The following RGS22 variants were observed in gnomAD, a reference collection of about 807,000 sequenced individuals.
RGS22 encodes regulator of G protein signaling 22.
A neutral mutation model predicts 172.9 loss-of-function variants in RGS22; 148 were observed. That is an observed-to-expected ratio of 0.86 (90% CI 0.75 to 0.98). The LOEUF (loss-of-function observed/expected upper bound fraction) is 0.98. Among genes scored for constraint, RGS22 ranks in the 50% least tolerant of loss-of-function variants. RGS22 has a pLI of 0.00. For missense variants in RGS22, 1,347 were observed against 1,440.8 expected (o/e 0.93, Z 1.05); for synonymous variants, 458 against 480.2 (o/e 0.95, Z 0.60).
At chr8:100,077,443 TATTCA>T (rs1449705560) in intron 4 of RGS22, among the ~76,000 whole-genome samples, 1 of 152,252 alleles carries the variant, frequency 6.6e-6, no homozygotes, top group Non-Finnish European at 1.5e-5. Flanking sequence ...CTTTAGTTTT[TATTCA>T]ATTCAACATA....
chr8:100,064,067 T>C (rs761810001), intron 7 of RGS22, 24 bp from the exon 8 acceptor site: 2 of 1,446,860 alleles, frequency 1.4e-6, no homozygotes, highest in Admixed American at 2.4e-5. Flanking sequence ...TAAAAAGCTA[T>C]TAGATTAGAT....
At chr8:100,017,415 C>T (rs974625583) in intron 14 of RGS22, among the ~76,000 whole-genome samples, 5 of 152,130 alleles carry the variant, frequency 3.3e-5, no homozygotes, top group African/African-American at 1.2e-4. Context: ...CCTCACCTCC[C>T]CAGGATGGTA....
chr8:99,983,526 T>C (rs1421552605), intron 21 of RGS22, among the ~76,000 whole-genome samples: 3 of 152,156 alleles, frequency 2.0e-5, no homozygotes, highest in Non-Finnish European at 2.9e-5. Context: ...TATCTCACTG[T>C]GGTTTTGATT....
intron 9 of RGS22, among the ~76,000 whole-genome samples, chr8:100,060,421 T>TATATATATATATATATATATACACAC (rs1245783464): frequency 2.5e-5 from 3 of 119,480 alleles, no homozygotes; most frequent in African/African-American, 8.7e-5. Flanking sequence ...TATATATATA[T>TATATATATATATATATATATACACAC]ACACACACAC....
intron 14 of RGS22, among the ~76,000 whole-genome samples, chr8:100,015,818 T>C (rs1171162507): frequency 6.6e-6 from 1 of 152,142 alleles, no homozygotes; most frequent in Non-Finnish European, 1.5e-5. Flanking sequence ...CTTTCCCAGG[T>C]TACTGTCTGC....
Position 99,961,143 on chromosome 8 carries a change from A to G in RGS22, c.*99T>C, listed in dbSNP as rs1027554678. On this transcript the variant is annotated 3_prime_UTR_variant, in exon 28 of 28. Coordinates refer to ENST00000360863, the MANE Select transcript of RGS22 (RefSeq NM_015668.5). ...AGGCTTGCTCTGATACAGACCTTCA[A>G]AAAAACAAATCACTGGAGCTTCTCA... 2.0e-5 allele frequency: 9 copies of G among 450,162 alleles called. No homozygotes were observed. Among genetic ancestry groups the G allele is most frequent in the Admixed American group, 1.2e-4 (5 of 41,668 alleles). 27.9% of individuals were successfully genotyped at this position (450,162 alleles called of 1,614,324 possible). A position where few individuals can be genotyped will look rare whatever the true frequency, so the allele number is the denominator to read the frequency against.
At chr8:100,043,726 A>C (rs887118909) in intron 11 of RGS22, among the ~76,000 whole-genome samples, 2 of 152,096 alleles carry the variant, frequency 1.3e-5, no homozygotes, top group Non-Finnish European at 2.9e-5. Flanking sequence ...CAGTGAGCCA[A>C]GATTGCGCCA....
intron 3 of RGS22, among the ~76,000 whole-genome samples, chr8:100,082,900 T>G (rs2446908): frequency 0.45 from 67,983 of 152,092 alleles, 17,340 homozygotes; most frequent in Admixed American, 0.55. Flanking sequence ...ATGGTGTATG[T>G]GGGTAACTCT....
At chr8:100,051,790 AATATATATTTATATATAAATGTTT>A (rs1315650290) in intron 10 of RGS22, among the ~76,000 whole-genome samples, 6,360 of 51,746 alleles carry the variant, frequency 0.12, 1,211 homozygotes, top group Middle Eastern at 0.17. Context: ...TTTATATATA[AATATATATTTATATATAAATGTTT>A]ATATATATTT....
At position 100,039,348 on chromosome 8, in the gene RGS22, C is replaced by T. The variant is rs141139037; in HGVS notation, c.2065-316G>A. Among the ~76,000 whole-genome samples the T allele has an allele frequency of 2.6e-3, 394 of 150,920 alleles. 2 individuals are homozygous for T. The highest frequency in any genetic ancestry group is 8.1e-3 in the African/African-American group (334 of 41,088). On this transcript the variant is annotated intron_variant, in intron 13 of 27. Coordinates refer to ENST00000360863, the MANE Select transcript of RGS22 (RefSeq NM_015668.5). ...CAATGTGTATTACAGCAGAACCAAA[C>T]ATTACTCTAGTAATTGAACCAGTTA...
At chr8:99,996,377 G>T (rs947421786) in intron 20 of RGS22, 85 bp downstream of exon 20, 29 of 1,143,284 alleles carry the variant, frequency 2.5e-5, no homozygotes, top group Admixed American at 1.6e-4. Context: ...CCTCAGTGAG[G>T]ATTTTTGAAC....
At chr8:100,066,424 G>T in intron 6 of RGS22, 128 bp from the exon 7 acceptor site, 2 of 683,144 alleles carry the variant, frequency 2.9e-6, no homozygotes, top group Non-Finnish European at 4.6e-6. Context: ...ATTATCTCAT[G>T]AAGGAAAATA....
chr8:100,090,456 A>G (rs1229494427), intron 3 of RGS22, among the ~76,000 whole-genome samples: 1 of 152,164 alleles, frequency 6.6e-6, no homozygotes, highest in Non-Finnish European at 1.5e-5. Flanking sequence ...GTTGAAGCCA[A>G]ATTACAAAGG....
chr8:100,018,872 C>G (rs1480219296), intron 14 of RGS22, among the ~76,000 whole-genome samples: 1 of 151,984 alleles, frequency 6.6e-6, no homozygotes, highest in East Asian at 1.9e-4. Flanking sequence ...ATAATGCATG[C>G]CAGACTTACT....
At chr8:100,050,380 G>A (rs1037322207) in intron 10 of RGS22, among the ~76,000 whole-genome samples, 2 of 152,282 alleles carry the variant, frequency 1.3e-5, no homozygotes, top group Admixed American at 6.5e-5. Context: ...CTCTGAAGGC[G>A]GGACCCCTGT....
At chr8:99,989,753 G>A (rs1295436992) in intron 20 of RGS22, among the ~76,000 whole-genome samples, 1 of 152,122 alleles carries the variant, frequency 6.6e-6, no homozygotes, top group Non-Finnish European at 1.5e-5. Flanking sequence ...TTTGAGGCAC[G>A]AGACTTGCTT....
chr8:99,984,427 A>C (rs970545194), intron 21 of RGS22, among the ~76,000 whole-genome samples: 4 of 142,292 alleles, frequency 2.8e-5, no homozygotes, highest in African/African-American at 1.2e-4. Flanking sequence ...TTTGGTCAGA[A>C]TTATAACTGA....
chr8:99,976,431 G>A (rs1033761226), intron 23 of RGS22, among the ~76,000 whole-genome samples: 6 of 151,908 alleles, frequency 3.9e-5, no homozygotes, highest in Non-Finnish European at 8.8e-5. Flanking sequence ...GCGCCATCTC[G>A]GCTCACTGCA....
In RGS22 at chr8:99,984,788, GACACAC is replaced by G. The variant is rs111285438; in HGVS notation, c.3180+2664_3180+2669del. On this transcript the variant is annotated intron_variant, in intron 21 of 27. Transcript: ENST00000360863. ...TAAATAAATCCTTCCAGTCTTTACGGACACACACACACACACACACACACACACACA... is the reference window on the plus strand; with the variant it reads ...TAAATAAATCCTTCCAGTCTTTACGGACACACACACACACACACACACACA... Among the ~76,000 whole-genome samples the G allele has an allele frequency of 8.9e-4, 125 of 139,726 alleles. No homozygotes were observed. In the East Asian group the frequency reaches 0.02, roughly 22 times the overall value. 91.7% of individuals were successfully genotyped at this position (139,726 alleles called of 152,430 possible). A position where few individuals can be genotyped will look rare whatever the true frequency, so the allele number is the denominator to read the frequency against.
Sources: gnomAD v4.1 joint callset for allele counts (sites outside exome capture counted in the v4.1 genomes callset) on GRCh38, gnomAD v4.1.1 for gene constraint, MANE v1.5 for transcripts, NCBI Gene and HGNC (gene_info 2026-07-23, HGNC 2026-07-21) for gene names.